SV2C: variants seen among roughly 807,000 people sequenced by gnomAD.
SV2C encodes the protein solute carrier family 22 member B3.
SV2C carries 49 observed loss-of-function variants against 79.7 expected under a neutral mutation model. That is an observed-to-expected ratio of 0.61 (90% CI 0.49 to 0.78). The LOEUF is 0.78. Ranked by LOEUF, SV2C falls within the 30% of genes least tolerant of loss-of-function variation. The pLI, the probability that SV2C is intolerant of heterozygous loss-of-function variation, is 0.00. For synonymous variants in SV2C, 334 were observed against 333.2 expected, an observed-to-expected ratio of 1.00 and a Z score of -0.03; for missense variants, 833 against 912.9, an observed-to-expected ratio of 0.91 and a Z score of 1.13.
the SV2C span, among the ~76,000 whole-genome samples, chr5:75,973,838 A>G: frequency 6.6e-6 from 1 of 152,068 alleles, no homozygotes; most frequent in African/African-American, 2.4e-5. Context: ...TTTGGTAACT[A>G]TAGGTAAACT....
At chr5:76,019,289 C>A in the SV2C span, among the ~76,000 whole-genome samples, 1 of 151,854 alleles carries the variant, frequency 6.6e-6, no homozygotes, top group African/African-American at 2.4e-5. Flanking sequence ...CATTTGGTGA[C>A]CTCAGAGGAA....
At chr5:76,244,887 G>A (rs1319210865) in intron 4 of SV2C, among the ~76,000 whole-genome samples, 2 of 152,212 alleles carry the variant, frequency 1.3e-5, no homozygotes, top group Non-Finnish European at 2.9e-5. Context: ...CAGAATAGAT[G>A]AGGTGTATAA....
intron 3 of SV2C, among the ~76,000 whole-genome samples, chr5:76,197,042 C>G (rs1376099087): frequency 6.6e-6 from 1 of 152,202 alleles, no homozygotes; most frequent in Non-Finnish European, 1.5e-5. Context: ...GGCTGGGAAT[C>G]AAGAAATCCA....
the SV2C span, among the ~76,000 whole-genome samples, chr5:76,060,272 C>T: frequency 6.6e-6 from 1 of 152,074 alleles, no homozygotes; most frequent in Non-Finnish European, 1.5e-5. Flanking sequence ...TTGACTTCAC[C>T]TTTCTAACTG....
intron 1 of SV2C, among the ~76,000 whole-genome samples, chr5:76,086,232 A>ATTAC (rs1747192469): frequency 6.6e-6 from 1 of 152,206 alleles, no homozygotes; most frequent in Admixed American, 6.5e-5. Flanking sequence ...TCTCCAGGAG[A>ATTAC]TTACGGCAAA....
At chr5:76,129,572 T>A (rs1748814009) in intron 1 of SV2C, among the ~76,000 whole-genome samples, 1 of 152,234 alleles carries the variant, frequency 6.6e-6, no homozygotes, top group African/African-American at 2.4e-5. Context: ...CAGCCATAAC[T>A]ATGACATTTA....
the SV2C span, among the ~76,000 whole-genome samples, chr5:76,076,222 G>A: frequency 6.6e-6 from 1 of 152,200 alleles, no homozygotes; most frequent in Non-Finnish European, 1.5e-5. Context: ...GATTCTCTGA[G>A]GTAAGCATAA....
intron 2 of SV2C, among the ~76,000 whole-genome samples, chr5:76,192,492 G>A (rs775246365): frequency 6.6e-6 from 1 of 152,178 alleles, no homozygotes; most frequent in Non-Finnish European, 1.5e-5. Context: ...AGATTGTCTA[G>A]AGCTTGATGT....
At chr5:75,976,137 TG>T in the SV2C span, among the ~76,000 whole-genome samples, 2 of 152,094 alleles carry the variant, frequency 1.3e-5, no homozygotes, top group Non-Finnish European at 2.9e-5. Context: ...GAAAGGAAAA[TG>T]GAATTAATAT....
intron 12 of SV2C, among the ~76,000 whole-genome samples, chr5:76,352,622 G>A (rs1264098511): frequency 6.6e-6 from 1 of 152,184 alleles, no homozygotes; most frequent in African/African-American, 2.4e-5. Context: ...CTTCAGAACT[G>A]TAAGAAAGAA....
chr5:76,044,098 C>T, the SV2C span, among the ~76,000 whole-genome samples: 1 of 152,124 alleles, frequency 6.6e-6, no homozygotes, highest in Non-Finnish European at 1.5e-5. Context: ...GTGTGTTGTT[C>T]CCCTCCCTGT....
chr5:76,151,563 T>C (rs1191770186), intron 2 of SV2C, among the ~76,000 whole-genome samples: 1 of 152,014 alleles, frequency 6.6e-6, no homozygotes, highest in Non-Finnish European at 1.5e-5. Context: ...GGGGAGAAGG[T>C]GTTTATGGGC....
chr5:76,058,313 C>A, the SV2C span, among the ~76,000 whole-genome samples: 5 of 152,086 alleles, frequency 3.3e-5, no homozygotes, highest in African/African-American at 7.2e-5. Flanking sequence ...CATTTCAGAT[C>A]TTTGATCTAC....
rs143244365 is a variant in SV2C at position 76,170,095 on chromosome 5, A to G, written c.581-24824A>G. ...TTTATTTTTATTTTTTAAGTTATAC[A>G]AAATTGCACCACTTTAATTAAGGCT... On this transcript the variant is annotated intron_variant, in intron 2 of 12. Transcript: ENST00000502798. Among the ~76,000 whole-genome samples, 627 of 152,138 alleles carry G rather than the reference A, an allele frequency of 4.1e-3. 16 individuals are homozygous for G. In the East Asian group the frequency reaches 0.058, roughly 14 times the overall value.
At chr5:76,044,538 G>A in the SV2C span, among the ~76,000 whole-genome samples, 2 of 152,288 alleles carry the variant, frequency 1.3e-5, no homozygotes, top group South Asian at 4.1e-4. Flanking sequence ...TAGTGTAAAA[G>A]CATTCCTATT....
chr5:76,306,766 G>C (rs1748207978), intron 12 of SV2C, among the ~76,000 whole-genome samples: 1 of 152,170 alleles, frequency 6.6e-6, no homozygotes, highest in African/African-American at 2.4e-5. Context: ...AATTCATAAA[G>C]AAATGTCAAC....
At chr5:75,897,457 T>A in the SV2C span, among the ~76,000 whole-genome samples, 1 of 152,108 alleles carries the variant, frequency 6.6e-6, no homozygotes, top group East Asian at 1.9e-4. Context: ...ACCATGCTGT[T>A]TTGGTTACTG....
At chr5:75,929,729 C>A in the SV2C span, among the ~76,000 whole-genome samples, 1 of 152,086 alleles carries the variant, frequency 6.6e-6, no homozygotes, top group African/African-American at 2.4e-5. Context: ...CTTCTACATG[C>A]CAGCTACCAT....
intron 12 of SV2C, among the ~76,000 whole-genome samples, chr5:76,314,916 A>T (rs1160830790): frequency 1.3e-5 from 2 of 152,222 alleles, no homozygotes. Context: ...ACCCTGGCCC[A>T]GGCCCTCACT....
Sources: gnomAD v4.1 joint callset for allele counts (sites outside exome capture counted in the v4.1 genomes callset) on GRCh38, gnomAD v4.1.1 for gene constraint, MANE v1.5 for transcripts, NCBI Gene and HGNC (gene_info 2026-07-23, HGNC 2026-07-21) for gene names.